SLC30A6: variants seen among roughly 807,000 people sequenced by gnomAD.
SLC30A6 encodes zinc transporter 6.
SLC30A6 carries 55 observed loss-of-function variants against 63.0 expected under a neutral mutation model. The ratio of observed to expected loss-of-function variants is 0.87; its 90% confidence interval spans 0.70 to 1.09. SLC30A6 has a LOEUF of 1.09. Among genes scored for constraint, SLC30A6 ranks in the 50% least tolerant of loss-of-function variants. The pLI is 0.00. For missense variants in SLC30A6, 587 were observed against 549.2 expected (o/e 1.07, Z -0.69); for synonymous variants, 224 against 186.1 (o/e 1.20, Z -1.66).
intron 5 of SLC30A6, among the ~76,000 whole-genome samples, chr2:32,188,389 A>G (rs1033415962): frequency 2.0e-5 from 3 of 152,158 alleles, no homozygotes; most frequent in Non-Finnish European, 4.4e-5. Flanking sequence ...TTCTGTCCCT[A>G]CCCTTTAAAA....
chr2:32,217,822 A>T (rs1685833382), intron 13 of SLC30A6, among the ~76,000 whole-genome samples: 1 of 150,520 alleles, frequency 6.6e-6, no homozygotes, highest in South Asian at 2.1e-4. Context: ...TCTTTTGTGG[A>T]TATTGTAAAT....
intron 4 of SLC30A6, 83 bp from the exon 5 acceptor site, chr2:32,184,190 C>G (rs1682601761): frequency 1.3e-5 from 8 of 599,066 alleles, no homozygotes; most frequent in Non-Finnish European, 1.6e-5. Context: ...AACTTTCAAC[C>G]ACTTAGGAAT....
At chr2:32,214,958 T>TAAAC (rs1685573222) in intron 13 of SLC30A6, among the ~76,000 whole-genome samples, 1 of 152,214 alleles carries the variant, frequency 6.6e-6, no homozygotes, top group African/African-American at 2.4e-5. Context: ...CTAAAAGTAA[T>TAAAC]AAACTGGAAG....
chr2:32,207,025 A>G (rs1397593626), intron 12 of SLC30A6, 92 bp downstream of exon 12: 1 of 1,050,672 alleles, frequency 9.5e-7, no homozygotes, highest in Admixed American at 1.9e-5. Flanking sequence ...TCTACCTAGA[A>G]TTTTATTTGA....
At chr2:32,210,515 CAAAAAAAA>C (rs3040860) in intron 13 of SLC30A6, among the ~76,000 whole-genome samples, 20 of 89,186 alleles carry the variant, frequency 2.2e-4, no homozygotes, top group Admixed American at 5.9e-4. Context: ...ACTCTGTCTC[CAAAAAAAA>C]AAAAAAAAAA....
intron 10 of SLC30A6, chr2:32,203,843 G>A: frequency 1.5e-6 from 2 of 1,361,172 alleles, no homozygotes; most frequent in Non-Finnish European, 2.1e-6. Context: ...AGGAGTGGTT[G>A]GTCAAGTGGC....
At chr2:32,194,025 C>A in intron 8 of SLC30A6, 42 bp downstream of exon 8, 1 of 1,500,420 alleles carries the variant, frequency 6.7e-7, no homozygotes, top group South Asian at 1.2e-5. Flanking sequence ...TCCAACTAAT[C>A]TCTCATAAAA....
At chr2:32,172,518 T>C (rs1054439315) in intron 2 of SLC30A6, among the ~76,000 whole-genome samples, 1 of 152,100 alleles carries the variant, frequency 6.6e-6, no homozygotes, top group African/African-American at 2.4e-5. Context: ...CCAGCTAGTA[T>C]CATTTTCTTT....
chr2:32,209,569 C>A lies in SLC30A6; in HGVS notation c.885+8C>A, dbSNP rs756885788. Reference sequence around the variant, plus strand: ...CTAGGTTTTGGCTCATTGGTATGTTCTTTTACATATGACTTTAGTTATAAT... The same window carrying A: ...CTAGGTTTTGGCTCATTGGTATGTTATTTTACATATGACTTTAGTTATAAT... On this transcript the variant is annotated splice_region_variant and intron_variant, in intron 13 of 13. Coordinates refer to ENST00000282587, the MANE Select transcript of SLC30A6 (RefSeq NM_017964.5). 11 of 1,592,740 alleles carry A rather than the reference C, an allele frequency of 6.9e-6. No homozygotes were observed. In the East Asian group the frequency reaches 1.8e-4, roughly 26 times the overall value.
intron 1 of SLC30A6, 135 bp from the exon 2 acceptor site, chr2:32,171,152 G>A: frequency 1.6e-6 from 1 of 610,844 alleles, no homozygotes; most frequent in East Asian, 3.0e-5. Flanking sequence ...AAAGTGTCTA[G>A]AATAAGTGCT....
chr2:32,211,858 GAT>G (rs1401248813), intron 13 of SLC30A6, among the ~76,000 whole-genome samples: 1 of 152,098 alleles, frequency 6.6e-6, no homozygotes, highest in Non-Finnish European at 1.5e-5. Flanking sequence ...GACCTCAAGT[GAT>G]CCTCCCTCCT....
At chr2:32,187,323 C>G (rs1314619670) in intron 5 of SLC30A6, 19 of 448,132 alleles carry the variant, frequency 4.2e-5, no homozygotes, top group South Asian at 2.7e-4. Flanking sequence ...AAAGAGCTAG[C>G]TAGAGTATTT....
intron 8 of SLC30A6, 61 bp downstream of exon 8, chr2:32,194,044 T>C: frequency 1.4e-6 from 2 of 1,387,484 alleles, no homozygotes; most frequent in Non-Finnish European, 2.0e-6. Flanking sequence ...AAACAAGCCT[T>C]TTGTTTGTTT....
Position 32,202,186 on chromosome 2 carries a change from CTCTT to C in SLC30A6, c.666-2401_666-2398del, listed in dbSNP as rs796225503. 1.0e-5 allele frequency: 8 copies of C among 795,200 alleles called. No individual in the cohort carries two copies. In the African/African-American group the frequency reaches 1.4e-4, roughly 14 times the overall value. The allele number at this position is 795,200 out of a possible 1,614,324, so 49.3% of individuals were successfully genotyped here. A position where few individuals can be genotyped will look rare whatever the true frequency, so the allele number is the denominator to read the frequency against. The stretch of plus-strand genomic sequence containing the variant: ...TCTGAAAGGTTGAGGGGTAACATCT[CTCTT>C]TCCTGTTCAAGTTAAGACCTTTGGT... On this transcript the variant is annotated intron_variant, in intron 10 of 13. Transcript: ENST00000282587.
At chr2:32,198,254 C>G (rs1264187912) in intron 10 of SLC30A6, among the ~76,000 whole-genome samples, 1 of 152,164 alleles carries the variant, frequency 6.6e-6, no homozygotes, top group East Asian at 1.9e-4. Flanking sequence ...GGCTACCCAC[C>G]TTTTAAATAT....
chr2:32,188,539 C>G (rs1302110044), intron 5 of SLC30A6, among the ~76,000 whole-genome samples: 1 of 152,014 alleles, frequency 6.6e-6, no homozygotes, highest in Non-Finnish European at 1.5e-5. Context: ...ACTAAAAATA[C>G]AAAAATTCGC....
At chr2:32,177,498 G>A (rs941378922) in intron 4 of SLC30A6, 2 of 248,040 alleles carry the variant, frequency 8.1e-6, no homozygotes, top group Admixed American at 5.2e-5. Context: ...CACCATTTTG[G>A]CTGGGCTGGT....
chr2:32,215,318 C>T (rs1685600781), intron 13 of SLC30A6, among the ~76,000 whole-genome samples: 2 of 151,876 alleles, frequency 1.3e-5, no homozygotes, highest in South Asian at 4.1e-4. Flanking sequence ...CCTCAGCCTC[C>T]CAAGTAGCTG....
chr2:32,211,439 T>C (rs1685248038), intron 13 of SLC30A6, among the ~76,000 whole-genome samples: 1 of 152,228 alleles, frequency 6.6e-6, no homozygotes, highest in South Asian at 2.1e-4. Flanking sequence ...GCATGAAGCA[T>C]TTCTGAGACA....
Sources: gnomAD v4.1 joint callset for allele counts (sites outside exome capture counted in the v4.1 genomes callset) on GRCh38, gnomAD v4.1.1 for gene constraint, MANE v1.5 for transcripts, NCBI Gene and HGNC (gene_info 2026-07-23, HGNC 2026-07-21) for gene names.